The following LRRC7 variants were observed in gnomAD, a reference collection of about 807,000 sequenced individuals.
The protein encoded by LRRC7 is leucine rich repeat containing 7, also known as leucine-rich repeat-containing protein 7.
A neutral mutation model predicts 175.7 loss-of-function variants in LRRC7; 23 were observed. The observed-to-expected ratio is 0.13, with a 90% CI of 0.09 to 0.19. The LOEUF (loss-of-function observed/expected upper bound fraction) is 0.19. LRRC7 is among the 10% of genes least tolerant of loss of function. The pLI is 1.00. For missense variants in LRRC7, 1,354 were observed against 1,904.7 expected, an observed-to-expected ratio of 0.71 and a Z score of 5.38; for synonymous variants, 685 against 680.9, an observed-to-expected ratio of 1.01 and a Z score of -0.09.
intron 7 of LRRC7, among the ~76,000 whole-genome samples, chr1:69,907,831 G>A (rs1353036196): frequency 6.6e-6 from 1 of 152,114 alleles, no homozygotes. Context: ...GTTTCAGAAG[G>A]AATGGTACCA....
At chr1:69,798,049 G>A (rs1039267346) in intron 4 of LRRC7, among the ~76,000 whole-genome samples, 1 of 152,068 alleles carries the variant, frequency 6.6e-6, no homozygotes, top group African/African-American at 2.4e-5. Flanking sequence ...AGCCTCCTGA[G>A]TAGCTGGGAT....
chr1:69,841,485 C>T lies in LRRC7; in HGVS notation c.647+3202C>T, dbSNP rs114100109. On this transcript the variant is annotated intron_variant, in intron 7 of 26. Coordinates refer to ENST00000651989, the MANE Select transcript of LRRC7 (RefSeq NM_001370785.2). ...GAGTCCATTGTAGAGGTTCCTACCA[C>T]AGGTCTGGTTCTCAGCATTGCTGGT... Among the ~76,000 whole-genome samples the T allele has an allele frequency of 3.9e-3, 594 of 152,140 alleles. 3 individuals carry two copies. The highest frequency in any genetic ancestry group is 6.5e-3 in the Non-Finnish European group (439 of 67,988).
chr1:69,998,640 C>T (rs1240828505), intron 11 of LRRC7, among the ~76,000 whole-genome samples: 4 of 152,120 alleles, frequency 2.6e-5, no homozygotes, highest in African/African-American at 9.7e-5. Context: ...TTTATCCCTA[C>T]TTAACGTCAT....
intron 3 of LRRC7, among the ~76,000 whole-genome samples, chr1:69,783,496 A>T (rs971223920): frequency 6.6e-6 from 1 of 151,974 alleles, no homozygotes; most frequent in Non-Finnish European, 1.5e-5. Flanking sequence ...GTGGCTCACA[A>T]CTGTAATCCC....
At chr1:69,633,881 CT>C (rs1423816350) in intron 1 of LRRC7, among the ~76,000 whole-genome samples, 8 of 151,990 alleles carry the variant, frequency 5.3e-5, no homozygotes, top group Non-Finnish European at 1.2e-4. Flanking sequence ...TGTTTGATTT[CT>C]TTTTTTCTTC....
intron 5 of LRRC7, among the ~76,000 whole-genome samples, chr1:69,834,221 CA>C (rs2101323402): frequency 6.6e-6 from 1 of 151,586 alleles, no homozygotes; most frequent in South Asian, 2.1e-4. Context: ...TGAATTAGAC[CA>C]ATTTGAATCA....
intron 2 of LRRC7, among the ~76,000 whole-genome samples, chr1:69,730,064 A>G (rs921327238): frequency 7.2e-5 from 11 of 152,214 alleles, no homozygotes; most frequent in African/African-American, 2.7e-4. Context: ...CATTTAGCCA[A>G]GGCTAGAGCA....
At chr1:69,787,793 G>T (rs536592664) in intron 3 of LRRC7, among the ~76,000 whole-genome samples, 2 of 152,230 alleles carry the variant, frequency 1.3e-5, no homozygotes, top group South Asian at 4.2e-4. Flanking sequence ...CAACTTAAAA[G>T]ACTTGCCCCC....
At chr1:70,043,859 A>G in intron 21 of LRRC7, 95 bp from the exon 22 acceptor site, 1 of 1,420,976 alleles carries the variant, frequency 7.0e-7, no homozygotes, top group Non-Finnish European at 9.5e-7. Context: ...TGCCTGCCTA[A>G]AGTTAAATGT....
chr1:69,906,083 T>G (rs1301592884), intron 7 of LRRC7, among the ~76,000 whole-genome samples: 1 of 152,242 alleles, frequency 6.6e-6, no homozygotes. Flanking sequence ...TTCATATCAT[T>G]CACCCACTTT....
intron 1 of LRRC7, among the ~76,000 whole-genome samples, chr1:69,606,403 AAT>A (rs1647579072): frequency 6.6e-6 from 1 of 152,092 alleles, no homozygotes; most frequent in Non-Finnish European, 1.5e-5. Flanking sequence ...ACTTTGCTCA[AAT>A]ATCATAATAA....
At chr1:69,927,577 C>A (rs1335965178) in intron 7 of LRRC7, among the ~76,000 whole-genome samples, 9 of 152,154 alleles carry the variant, frequency 5.9e-5, no homozygotes, top group African/African-American at 2.2e-4. Flanking sequence ...ATCACTGATA[C>A]CCTTTCTTCC....
chr1:70,091,085 G>A (rs901666855), intron 25 of LRRC7, among the ~76,000 whole-genome samples: 1 of 152,126 alleles, frequency 6.6e-6, no homozygotes, highest in African/African-American at 2.4e-5. Context: ...GGCTGGAGCA[G>A]CTACTCATAT....
intron 8 of LRRC7, among the ~76,000 whole-genome samples, chr1:69,969,351 A>T (rs971286023): frequency 1.3e-5 from 2 of 152,226 alleles, no homozygotes. Flanking sequence ...AATGGATAAG[A>T]ATTCACCAAC....
intron 22 of LRRC7, among the ~76,000 whole-genome samples, chr1:70,046,286 G>A (rs1217442213): frequency 6.6e-6 from 1 of 152,014 alleles, no homozygotes; most frequent in Non-Finnish European, 1.5e-5. Flanking sequence ...TTAATTTCCT[G>A]ATGTCATTTG....
chr1:69,722,716 A>G (rs1193405727), intron 2 of LRRC7, among the ~76,000 whole-genome samples: 1 of 152,050 alleles, frequency 6.6e-6, no homozygotes, highest in African/African-American at 2.4e-5. Context: ...TATTAGACAG[A>G]TTCAGCATTG....
chr1:70,037,800 G>A (rs1659450884), intron 20 of LRRC7, among the ~76,000 whole-genome samples: 1 of 152,070 alleles, frequency 6.6e-6, no homozygotes. Flanking sequence ...GTCTAGGCCT[G>A]CAGAGAAAAA....
chr1:69,898,473 G>T (rs191841346), intron 7 of LRRC7, among the ~76,000 whole-genome samples: 1 of 152,312 alleles, frequency 6.6e-6, no homozygotes, highest in Non-Finnish European at 1.5e-5. Flanking sequence ...TTGAATAAAT[G>T]CAATAATTGA....
intron 2 of LRRC7, among the ~76,000 whole-genome samples, chr1:69,699,431 T>C (rs958776515): frequency 5.3e-5 from 8 of 152,050 alleles, no homozygotes; most frequent in South Asian, 4.1e-4. Context: ...TCCCAGCTAC[T>C]CGGGAGGCTG....
Sources: gnomAD v4.1 joint callset for allele counts (sites outside exome capture counted in the v4.1 genomes callset) on GRCh38, gnomAD v4.1.1 for gene constraint, MANE v1.5 for transcripts, NCBI Gene and HGNC (gene_info 2026-07-23, HGNC 2026-07-21) for gene names.